FRMD3: variants seen among roughly 807,000 people sequenced by gnomAD.
FRMD3 encodes the protein FERM domain containing 3.
FRMD3 carries 33 observed loss-of-function variants against 70.2 expected under a neutral mutation model. The ratio of observed to expected loss-of-function variants is 0.47; its 90% CI spans 0.36 to 0.63. FRMD3 has a LOEUF of 0.63. Among genes scored for constraint, FRMD3 ranks in the 20% least tolerant of loss-of-function variants. The probability of loss-of-function intolerance (pLI) is 0.00; values close to 1 mark genes in which losing one functional copy is unlikely to be tolerated. For synonymous variants in FRMD3, 279 were observed against 255.9 expected (o/e 1.09, Z -0.86); for missense variants, 632 against 711.4 (o/e 0.89, Z 1.27).
intron 3 of FRMD3, among the ~76,000 whole-genome samples, chr9:83,359,140 T>A (rs1824501267): frequency 6.6e-6 from 1 of 152,218 alleles, no homozygotes; most frequent in African/African-American, 2.4e-5. Flanking sequence ...GACAGGTTTT[T>A]AAAATCATGT....
intron 6 of FRMD3, among the ~76,000 whole-genome samples, chr9:83,316,310 C>T (rs1587716655): frequency 6.6e-6 from 1 of 152,058 alleles, no homozygotes; most frequent in Admixed American, 6.5e-5. Context: ...TGGTGCCCGC[C>T]ACCACACCCA....
At chr9:83,573,607 T>G in the FRMD3 span, among the ~76,000 whole-genome samples, 1 of 152,142 alleles carries the variant, frequency 6.6e-6, no homozygotes, top group South Asian at 2.1e-4. Context: ...ATCTCTACTC[T>G]TCTGTGAGTG....
intron 1 of FRMD3, among the ~76,000 whole-genome samples, chr9:83,393,585 T>C (rs1825728732): frequency 1.2e-5 from 1 of 83,608 alleles, no homozygotes; most frequent in African/African-American, 5.2e-5. Flanking sequence ...CCTGAGCTTG[T>C]TTTCCTGCAA....
intron 1 of FRMD3, among the ~76,000 whole-genome samples, chr9:83,510,231 C>T (rs969386233): frequency 2.0e-5 from 3 of 152,164 alleles, no homozygotes; most frequent in Non-Finnish European, 4.4e-5. Context: ...CCCTAAAAGA[C>T]CTCCCAGCTA....
the FRMD3 span, among the ~76,000 whole-genome samples, chr9:83,554,467 T>C: frequency 6.6e-6 from 1 of 152,224 alleles, no homozygotes; most frequent in African/African-American, 2.4e-5. Flanking sequence ...AGAGAGATGC[T>C]GGTCAGCAAT....
intron 10 of FRMD3, among the ~76,000 whole-genome samples, chr9:83,307,116 C>A (rs1179387584): frequency 6.6e-6 from 1 of 152,014 alleles, no homozygotes. Flanking sequence ...TTTCTTCACT[C>A]CATTTTTAAT....
At chr9:83,349,819 A>C in intron 3 of FRMD3, 62 bp from the exon 4 acceptor site, 8 of 1,264,946 alleles carry the variant, frequency 6.3e-6, no homozygotes, top group South Asian at 1.2e-5. Context: ...TCAAACACAC[A>C]CGGGAAAGGC....
intron 1 of FRMD3, among the ~76,000 whole-genome samples, chr9:83,460,169 C>A (rs1827929355): frequency 6.6e-6 from 1 of 152,198 alleles, no homozygotes; most frequent in African/African-American, 2.4e-5. Context: ...TCTTTCCCTG[C>A]CTCAGTATCC....
chr9:83,369,088 C>T (rs907494393), intron 3 of FRMD3, among the ~76,000 whole-genome samples: 1 of 151,988 alleles, frequency 6.6e-6, no homozygotes, highest in African/African-American at 2.4e-5. Flanking sequence ...CTCCTGACCT[C>T]GTAATGCACC....
In FRMD3 at chr9:83,247,894, C is replaced by T. The variant is rs755484028; in HGVS notation, c.*24G>A. The T allele has an allele frequency of 1.2e-6, 2 of 1,610,242 alleles. No homozygotes were observed. Among genetic ancestry groups the T allele is most frequent in the Non-Finnish European group, 8.5e-7 (1 of 1,177,362 alleles). ...AGAAATCACTAGCATTGAATATAGC[C>T]CTTAGTCACGTGAGAGATTAACTTC... On this transcript the variant is annotated 3_prime_UTR_variant, in exon 14 of 14. Coordinates refer to ENST00000304195, the MANE Select transcript of FRMD3 (RefSeq NM_174938.6).
intron 1 of FRMD3, among the ~76,000 whole-genome samples, chr9:83,419,449 AGTGTGTGT>A (rs60945722): frequency 2.7e-5 from 4 of 148,510 alleles, no homozygotes; most frequent in African/African-American, 7.4e-5. Context: ...GCTGTGAGAG[AGTGTGTGT>A]GTGTGTGTGT....
intron 2 of FRMD3, among the ~76,000 whole-genome samples, chr9:83,377,426 A>G (rs915443162): frequency 1.3e-5 from 2 of 152,198 alleles, no homozygotes; most frequent in Non-Finnish European, 2.9e-5. Flanking sequence ...GGTGCAAGAT[A>G]CAGTTTGGAT....
intron 7 of FRMD3, among the ~76,000 whole-genome samples, chr9:83,313,135 A>ACC (rs923317658): frequency 2.0e-5 from 3 of 152,164 alleles, no homozygotes; most frequent in Non-Finnish European, 2.9e-5. Flanking sequence ...CCCCAGTTGT[A>ACC]CCCCCAGAAT....
chr9:83,553,955 T>A, the FRMD3 span, among the ~76,000 whole-genome samples: 1 of 152,234 alleles, frequency 6.6e-6, no homozygotes, highest in African/African-American at 2.4e-5. Flanking sequence ...ACTGGAGTTC[T>A]TGCATCGGTT....
intron 3 of FRMD3, among the ~76,000 whole-genome samples, chr9:83,354,793 T>TA (rs1261959556): frequency 6.6e-6 from 1 of 152,078 alleles, no homozygotes; most frequent in African/African-American, 2.4e-5. Flanking sequence ...CAAGAAGATG[T>TA]AACAGATGAG....
chr9:83,530,499 G>C (rs1829771348), intron 1 of FRMD3, among the ~76,000 whole-genome samples: 1 of 152,178 alleles, frequency 6.6e-6, no homozygotes, highest in Non-Finnish European at 1.5e-5. Flanking sequence ...GGAGGGAAAT[G>C]GAGGTATGAC....
chr9:83,293,349 T>A (rs1166854926), intron 12 of FRMD3, among the ~76,000 whole-genome samples: 2 of 152,190 alleles, frequency 1.3e-5, no homozygotes, highest in African/African-American at 2.4e-5. Context: ...GTGGTCTGTG[T>A]AGCTTTCTGA....
chr9:83,491,732 C>T (rs1828830935), intron 1 of FRMD3, among the ~76,000 whole-genome samples: 1 of 152,168 alleles, frequency 6.6e-6, no homozygotes, highest in Non-Finnish European at 1.5e-5. Context: ...GACCTGACCT[C>T]TGGTAGGAAA....
At chr9:83,501,398 A>C (rs1176250286) in intron 1 of FRMD3, among the ~76,000 whole-genome samples, 1 of 152,228 alleles carries the variant, frequency 6.6e-6, no homozygotes, top group Non-Finnish European at 1.5e-5. Flanking sequence ...CCTTATATAC[A>C]TATAAGGTAC....
Sources: gnomAD v4.1 joint callset for allele counts (sites outside exome capture counted in the v4.1 genomes callset) on GRCh38, gnomAD v4.1.1 for gene constraint, MANE v1.5 for transcripts, NCBI Gene and HGNC (gene_info 2026-07-23, HGNC 2026-07-21) for gene names.